The following PPP6R2 variants were observed in gnomAD, a reference collection of about 807,000 sequenced individuals.
PPP6R2 encodes the protein protein phosphatase 6 regulatory subunit 2, also known as serine/threonine-protein phosphatase 6 regulatory subunit 2.
A neutral mutation model predicts 100.2 loss-of-function variants in PPP6R2; 62 were observed. The observed-to-expected ratio is 0.62, with a 90% CI of 0.50 to 0.76. The LOEUF is 0.76. PPP6R2 is among the 30% of genes least tolerant of loss of function. The probability of loss-of-function intolerance (pLI) is 0.00; values close to 1 mark genes in which losing one functional copy is unlikely to be tolerated. For missense variants in PPP6R2, 1,142 were observed against 1,276.3 expected (o/e 0.89, Z 1.60); for synonymous variants, 525 against 514.7 (o/e 1.02, Z -0.27).
At chr22:50,355,227 T>G (rs1017475752) in intron 1 of PPP6R2, among the ~76,000 whole-genome samples, 29 of 144,560 alleles carry the variant, frequency 2.0e-4, no homozygotes, top group Admixed American at 1.1e-3. Flanking sequence ...GCAAGCAGCC[T>G]TCTTTTTTTT....
intron 17 of PPP6R2, 43 bp from the exon 18 acceptor site, chr22:50,438,131 C>T: frequency 1.9e-6 from 3 of 1,589,606 alleles, no homozygotes; most frequent in Non-Finnish European, 2.6e-6. Context: ...CTCCTGTCTC[C>T]CCCAGACCCT....
chr22:50,358,030 C>T (rs191378132), intron 1 of PPP6R2, among the ~76,000 whole-genome samples: 14 of 151,968 alleles, frequency 9.2e-5, no homozygotes, highest in East Asian at 1.9e-4. Context: ...TGGCTCACTG[C>T]GGCTTTGACC....
intron 1 of PPP6R2, among the ~76,000 whole-genome samples, chr22:50,355,859 A>G (rs1364742375): frequency 6.6e-6 from 1 of 150,966 alleles, no homozygotes; most frequent in African/African-American, 2.5e-5. Context: ...AAAACCAAAA[A>G]AAAAGCTTTT....
chr22:50,403,983 T>G (rs2058446636), intron 3 of PPP6R2, among the ~76,000 whole-genome samples: 1 of 152,132 alleles, frequency 6.6e-6, no homozygotes, highest in African/African-American at 2.4e-5. Context: ...CCTCTCTACC[T>G]GGCGGTGGCC....
chr22:50,373,184 T>A (rs1602548582), intron 2 of PPP6R2, among the ~76,000 whole-genome samples: 1 of 152,080 alleles, frequency 6.6e-6, no homozygotes, highest in East Asian at 1.9e-4. Flanking sequence ...CTTACGAGGC[T>A]CTTCCATTGC....
chr22:50,364,099 G>C (rs1160917071), intron 1 of PPP6R2, among the ~76,000 whole-genome samples: 2 of 151,946 alleles, frequency 1.3e-5, no homozygotes, highest in African/African-American at 4.8e-5. Flanking sequence ...GTTGCACCAT[G>C]TTAACCAGGC....
At chr22:50,346,766 C>T (rs924461190) in intron 1 of PPP6R2, among the ~76,000 whole-genome samples, 1 of 147,626 alleles carries the variant, frequency 6.8e-6, no homozygotes. Flanking sequence ...TCAGTCCACT[C>T]TGCTCCCCAT....
intron 2 of PPP6R2, among the ~76,000 whole-genome samples, chr22:50,381,410 C>CCACACGGGCCCCACCTCAGCAT: frequency 1.4e-5 from 1 of 72,886 alleles, no homozygotes; most frequent in East Asian, 3.5e-4. Flanking sequence ...CACCTCAGCA[C>CCACACGGGCCCCACCTCAGCAT]CACACGGGCC....
At chr22:50,416,332 T>TC (rs1430811601) in intron 6 of PPP6R2, among the ~76,000 whole-genome samples, 175 bp downstream of exon 6, 1 of 151,506 alleles carries the variant, frequency 6.6e-6, no homozygotes, top group Non-Finnish European at 1.5e-5. Context: ...GATTTTTTTT[T>TC]TCTTTTTTTT....
At chr22:50,351,117 C>T (rs369419885) in intron 1 of PPP6R2, among the ~76,000 whole-genome samples, 3 of 137,910 alleles carry the variant, frequency 2.2e-5, no homozygotes, top group East Asian at 2.3e-4. Context: ...CTTGGCTCAC[C>T]GCAACCTAAG....
At chr22:50,405,910 G>A (rs2058834188) in intron 3 of PPP6R2, among the ~76,000 whole-genome samples, 2 of 111,724 alleles carry the variant, frequency 1.8e-5, no homozygotes, top group Non-Finnish European at 3.9e-5. Context: ...TGGCAGGCGA[G>A]TGTGAAGGCC....
chr22:50,360,032 C>T (rs1206848472), intron 1 of PPP6R2, among the ~76,000 whole-genome samples: 1 of 139,920 alleles, frequency 7.1e-6, no homozygotes, highest in Non-Finnish European at 1.6e-5. Context: ...TCTAGGTTAA[C>T]AGCTTTTTTT....
intron 3 of PPP6R2, among the ~76,000 whole-genome samples, chr22:50,401,972 A>G (rs986454314): frequency 3.3e-5 from 5 of 152,154 alleles, no homozygotes; most frequent in Non-Finnish European, 5.9e-5. Flanking sequence ...TTATTCTCAT[A>G]TATTTTAATA....
chr22:50,339,754 G>GTGTGGT (rs1569219067), upstream of PPP6R2, among the ~76,000 whole-genome samples: 1 of 119,152 alleles, frequency 8.4e-6, no homozygotes, highest in African/African-American at 3.6e-5. Flanking sequence ...AGTATGTGGT[G>GTGTGGT]GTGTGTGGTG....
At chr22:50,424,461 CGTGTGG>C (rs2061776627) in intron 10 of PPP6R2, among the ~76,000 whole-genome samples, 1 of 123,176 alleles carries the variant, frequency 8.1e-6, no homozygotes. Context: ...CGTCTGTCAG[CGTGTGG>C]AAGGTCCGTC....
chr22:50,356,915 CAG>C (rs1297915824), intron 1 of PPP6R2, among the ~76,000 whole-genome samples: 3 of 147,924 alleles, frequency 2.0e-5, no homozygotes, highest in Non-Finnish European at 4.4e-5. Context: ...GCTTGGGCGA[CAG>C]AGGGAGACTC....
chr22:50,338,313 T>TGGTGTGTAGTGTGTGGTGTGTGTGG (rs1408169045), upstream of PPP6R2, among the ~76,000 whole-genome samples: 20 of 136,734 alleles, frequency 1.5e-4, no homozygotes, highest in African/African-American at 4.8e-4. Flanking sequence ...GGTGTGTGTG[T>TGGTGTGTAGTGTGTGGTGTGTGTGG]GGTGTGTGGT....
At chr22:50,349,815 T>TA (rs1285843500) in intron 1 of PPP6R2, among the ~76,000 whole-genome samples, 4,096 of 115,256 alleles carry the variant, frequency 0.036, 133 homozygotes, top group African/African-American at 0.1. Context: ...AACTCCATCT[T>TA]AAAAAAAAAA....
intron 1 of PPP6R2, among the ~76,000 whole-genome samples, chr22:50,347,272 C>T (rs2043992890): frequency 6.6e-6 from 1 of 152,078 alleles, no homozygotes; most frequent in Admixed American, 6.6e-5. Flanking sequence ...CTGTCAGTGT[C>T]TCCCCACTGC....
Sources: allele counts gnomAD v4.1 joint callset (sites outside exome capture counted in the v4.1 genomes callset), GRCh38; gene constraint gnomAD v4.1.1; transcripts MANE v1.5; gene names NCBI Gene and HGNC (gene_info 2026-07-23, HGNC 2026-07-21).